The following OPHN1 variants were observed in gnomAD, a reference collection of about 807,000 sequenced individuals.
OPHN1 encodes oligophrenin-1.
A neutral mutation model predicts 60.7 loss-of-function variants in OPHN1; 11 were observed. That is an observed-to-expected ratio of 0.18 (90% CI 0.11 to 0.30). The LOEUF is 0.30. Among genes scored for constraint, OPHN1 ranks in the 10% least tolerant of loss-of-function variants. OPHN1 has a pLI of 1.00. For synonymous variants in OPHN1, 226 were observed against 222.6 expected, an observed-to-expected ratio of 1.02 and a Z score of -0.14; for missense variants, 449 against 611.0, an observed-to-expected ratio of 0.73 and a Z score of 2.80.
intron 15 of OPHN1, among the ~76,000 whole-genome samples, chrX:68,119,788 G>C (rs151095939): frequency 0.012 from 1,368 of 111,195 alleles, 20 homozygotes; most frequent in African/African-American, 0.043. Context: ...CTCCAATAGG[G>C]CCCAGTCCAA....
Position 68,111,746 on chromosome X carries a change from C to T in OPHN1, c.1526+108G>A. 7.1e-6 allele frequency: 4 copies of T among 565,760 alleles called. No individual in the cohort carries two copies. The South Asian group carries it at 9.5e-5, about 13-fold the overall frequency. The allele number at this position is 565,760 out of a possible 1,213,427, so 46.6% of individuals were successfully genotyped here. A position where few individuals can be genotyped will look rare whatever the true frequency, so the allele number is the denominator to read the frequency against. Reference sequence around the variant, plus strand: ...ACAGAGCATTCAGCTTCCAAGGAAGCACTTAAGGGCTGGGGCTGAAAGAGC... The same window carrying T: ...ACAGAGCATTCAGCTTCCAAGGAAGTACTTAAGGGCTGGGGCTGAAAGAGC... On this transcript the variant is annotated intron_variant, in intron 18 of 24. Coordinates refer to ENST00000355520, the MANE Select transcript of OPHN1 (RefSeq NM_002547.3).
chrX:68,278,753 G>A (rs2078004427), intron 4 of OPHN1, among the ~76,000 whole-genome samples: 1 of 111,931 alleles, frequency 8.9e-6, no homozygotes, highest in Non-Finnish European at 1.9e-5. Flanking sequence ...GGGCATGGTG[G>A]TGGGTGCCTG....
chrX:68,191,052 G>T (rs1447400158), intron 15 of OPHN1, among the ~76,000 whole-genome samples: 1 of 111,888 alleles, frequency 8.9e-6, no homozygotes, highest in Non-Finnish European at 1.9e-5. Flanking sequence ...GATTAGCTAT[G>T]CATCACAGTA....
intron 2 of OPHN1, among the ~76,000 whole-genome samples, chrX:68,332,368 G>A (rs1760375961): frequency 9.0e-6 from 1 of 111,575 alleles, no homozygotes; most frequent in Admixed American, 9.6e-5. Context: ...GGCGCCTGGT[G>A]TTGCCAGTGC....
chrX:68,382,240 AG>A (rs2078600796), intron 2 of OPHN1, among the ~76,000 whole-genome samples: 1 of 110,783 alleles, frequency 9.0e-6, no homozygotes, highest in Non-Finnish European at 1.9e-5. Flanking sequence ...CCAGCTACTC[AG>A]GAGGCTGAGG....
chrX:68,378,448 G>T (rs77638006), intron 2 of OPHN1, among the ~76,000 whole-genome samples: 33,951 of 110,673 alleles, frequency 0.31, 7,481 homozygotes, highest in African/African-American at 0.79. Flanking sequence ...AGATCCCATT[G>T]GTCAAATTTT....
At chrX:68,084,739 C>T (rs2076989000) in intron 19 of OPHN1, among the ~76,000 whole-genome samples, 1 of 111,492 alleles carries the variant, frequency 9.0e-6, no homozygotes, top group African/African-American at 3.3e-5. Context: ...GGGTGTTGTC[C>T]ACATGCCCTG....
chrX:68,393,218 C>T (rs1397144948), intron 2 of OPHN1, among the ~76,000 whole-genome samples: 1 of 112,571 alleles, frequency 8.9e-6, no homozygotes, highest in Non-Finnish European at 1.9e-5. Flanking sequence ...GGAACTCTCC[C>T]GTTTCAACTG....
chrX:68,288,876 A>T (rs1297846293), intron 3 of OPHN1, among the ~76,000 whole-genome samples: 2 of 112,255 alleles, frequency 1.8e-5, no homozygotes, highest in Admixed American at 1.9e-4. Flanking sequence ...CCTCTTACGG[A>T]TCTATTTTTA....
chrX:68,279,613 C>G (rs1180942089), intron 4 of OPHN1, among the ~76,000 whole-genome samples: 4 of 111,237 alleles, frequency 3.6e-5, no homozygotes, highest in Non-Finnish European at 7.5e-5. Context: ...ATATAAGACC[C>G]ACTAAATTAT....
intron 24 of OPHN1, among the ~76,000 whole-genome samples, chrX:68,047,808 ATAT>A (rs1602120069): frequency 8.9e-6 from 1 of 112,315 alleles, no homozygotes. Flanking sequence ...GTTAGAACAC[ATAT>A]TATCCTCCCT....
At chrX:68,406,663 T>C (rs181691206) in intron 2 of OPHN1, among the ~76,000 whole-genome samples, 26 of 111,847 alleles carry the variant, frequency 2.3e-4, no homozygotes, top group Non-Finnish European at 1.7e-4. Flanking sequence ...GCATATGTAA[T>C]AAATATCCTT....
chrX:68,366,071 A>T (rs1469904002), intron 2 of OPHN1, among the ~76,000 whole-genome samples: 1 of 109,614 alleles, frequency 9.1e-6, no homozygotes, highest in Non-Finnish European at 1.9e-5. Flanking sequence ...ACATAACAGA[A>T]TAGTATTTAT....
At chrX:68,359,855 CAAAA>C (rs1186524030) in intron 2 of OPHN1, among the ~76,000 whole-genome samples, 2 of 19,225 alleles carry the variant, frequency 1.0e-4, no homozygotes, top group African/African-American at 1.3e-4. Flanking sequence ...GACTCCGTCT[CAAAA>C]AAAAAAAAAA....
intron 2 of OPHN1, among the ~76,000 whole-genome samples, chrX:68,382,861 C>T (rs987828819): frequency 2.7e-5 from 3 of 111,540 alleles, no homozygotes; most frequent in Non-Finnish European, 5.6e-5. Flanking sequence ...GAGAGTAGAA[C>T]AGAAAAGGGG....
intron 6 of OPHN1, among the ~76,000 whole-genome samples, chrX:68,231,852 T>C (rs1423743209): frequency 1.8e-5 from 2 of 111,603 alleles, no homozygotes; most frequent in African/African-American, 6.5e-5. Context: ...CTGTACAATA[T>C]GGTAATGCTG....
chrX:68,115,370 G>A (rs995223584), intron 16 of OPHN1, among the ~76,000 whole-genome samples: 1 of 112,032 alleles, frequency 8.9e-6, no homozygotes, highest in African/African-American at 3.2e-5. Flanking sequence ...GGTCCCTGTA[G>A]ATATTTCAGT....
intron 15 of OPHN1, among the ~76,000 whole-genome samples, chrX:68,163,382 C>T (rs765132061): frequency 9.1e-6 from 1 of 109,853 alleles, no homozygotes; most frequent in East Asian, 2.9e-4. Flanking sequence ...CATGTTGTCG[C>T]AAATGGCACA....
chrX:68,366,977 G>A (rs1375761527), intron 2 of OPHN1, among the ~76,000 whole-genome samples: 1 of 111,420 alleles, frequency 9.0e-6, no homozygotes, highest in Non-Finnish European at 1.9e-5. Context: ...AAGTTAGGGA[G>A]TGTGGATTAA....
Sources: gnomAD v4.1 joint callset for allele counts (sites outside exome capture counted in the v4.1 genomes callset) on GRCh38, gnomAD v4.1.1 for gene constraint, MANE v1.5 for transcripts, NCBI Gene and HGNC (gene_info 2026-07-23, HGNC 2026-07-21) for gene names.